SLC6A19: variants seen among roughly 807,000 people sequenced by gnomAD.
SLC6A19 encodes solute carrier family 6 member 19.
Under a neutral mutation model 68.3 loss-of-function variants are expected in SLC6A19, and 67 were observed. The ratio of observed to expected loss-of-function variants is 0.98; its 90% CI spans 0.81 to 1.20. SLC6A19 has a LOEUF of 1.20. Ranked by LOEUF, SLC6A19 falls within the 50% of genes most tolerant of loss-of-function variation. The probability of loss-of-function intolerance (pLI) is 0.00; values close to 1 mark genes in which losing one functional copy is unlikely to be tolerated. For missense variants in SLC6A19, 813 were observed against 851.6 expected (o/e 0.95, Z 0.56); for synonymous variants, 392 against 374.9 (o/e 1.05, Z -0.53).
At chr5:1,202,727 G>A (rs1013536377) in intron 1 of SLC6A19, among the ~76,000 whole-genome samples, 2 of 152,166 alleles carry the variant, frequency 1.3e-5, no homozygotes, top group African/African-American at 4.8e-5. Context: ...GTTTAGAGGA[G>A]TCTGCCCTCA....
At position 1,203,167 on chromosome 5, in the gene SLC6A19, C is replaced by T. The variant is rs186580909; in HGVS notation, c.202+1315C>T. 5.0e-3 allele frequency among the ~76,000 whole-genome samples: 758 copies of T among 152,198 alleles called. 5 individuals are homozygous for T. The highest frequency in any genetic ancestry group is 8.6e-3 in the Non-Finnish European group (583 of 68,000). On this transcript the variant is annotated intron_variant, in intron 1 of 11. Transcript: ENST00000304460. ...GGGATGGAGGGGCAGACACATGCCT[C>T]CTGGGAAGAGGAGGGGTTGGGACTG...
rs1037122540 is a variant in SLC6A19, at chr5:1,209,108, C to T, written c.343+222C>T. ...ACCAGACAGGCCAGCAGAGGCCGCC[C>T]GAGTCCCTGGCAGCCCAGGGCCCAG... On this transcript the variant is annotated intron_variant, in intron 2 of 11. Coordinates refer to ENST00000304460, the MANE Select transcript of SLC6A19 (RefSeq NM_001003841.3). This position sits in a 1 kb window ranked among gnomAD's most constrained non-coding sequence, Gnocchi z 5.5. 6.6e-6 allele frequency among the ~76,000 whole-genome samples: 1 copy of T among 152,194 alleles called. No homozygotes were observed. The highest frequency in any genetic ancestry group is 1.5e-5 in the Non-Finnish European group (1 of 68,018).
intron 1 of SLC6A19, among the ~76,000 whole-genome samples, chr5:1,205,002 A>G (rs1579507832): frequency 6.6e-6 from 1 of 152,198 alleles, no homozygotes; most frequent in Non-Finnish European, 1.5e-5. Flanking sequence ...AAGGACAGAC[A>G]GGAGGAACTG....
At chr5:1,220,246 C>T (rs1450309563) in intron 10 of SLC6A19, among the ~76,000 whole-genome samples, 2 of 151,956 alleles carry the variant, frequency 1.3e-5, no homozygotes, top group African/African-American at 4.8e-5. Flanking sequence ...GCCGTCTCTA[C>T]TAATAATACA....
chr5:1,209,639 TTC>T lies in SLC6A19; in HGVS notation c.343+759_343+760del, dbSNP rs1292652806. On this transcript the variant is annotated intron_variant, in intron 2 of 11. Coordinates refer to ENST00000304460, the MANE Select transcript of SLC6A19 (RefSeq NM_001003841.3). The surrounding 1 kb of genome is among the most constrained non-coding windows in gnomAD (Gnocchi z 5.5). Reference sequence around the variant, plus strand: ...TCTTCCTCTCTCTCTGTCTCTGTCATTCTCTCTTTCCCCTCCTATTCTCTCCC... The same window carrying T: ...TCTTCCTCTCTCTCTGTCTCTGTCATTCTCTTTCCCCTCCTATTCTCTCCC... Among the ~76,000 whole-genome samples the T allele has an allele frequency of 2.0e-5, 3 of 150,902 alleles. No individual in the cohort carries two copies. The highest frequency in any genetic ancestry group is 4.4e-5 in the Non-Finnish European group (3 of 67,678).
At chr5:1,203,574 C>T (rs773112881) in intron 1 of SLC6A19, among the ~76,000 whole-genome samples, 3 of 152,232 alleles carry the variant, frequency 2.0e-5, no homozygotes, top group South Asian at 2.1e-4. Flanking sequence ...CCTGGCCCTT[C>T]GGCTGGGCCA....
At chr5:1,213,831 C>T in intron 5 of SLC6A19, 122 bp from the exon 6 acceptor site, 2 of 1,503,122 alleles carry the variant, frequency 1.3e-6, no homozygotes, top group Non-Finnish European at 1.8e-6. Flanking sequence ...CCCCAGGGGG[C>T]CCTGGCCTGT....
rs113779329 is a variant in SLC6A19 at position 1,215,444 on chromosome 5, G to A, written c.888-1114G>A. Among the ~76,000 whole-genome samples the A allele has an allele frequency of 1.2e-3, 181 of 152,320 alleles. No individual in the cohort carries two copies. The highest frequency in any genetic ancestry group is 3.8e-3 in the African/African-American group (159 of 41,568). ...TCCTGCCCCGGGTGAGCACTGATGC[G>A]CTCTCTGCCTCTGTGGCTGTGCCTA... On this transcript the variant is annotated intron_variant, in intron 6 of 11. Transcript: ENST00000304460. This position sits in a 1 kb window ranked among gnomAD's most constrained non-coding sequence, Gnocchi z 5.1.
chr5:1,215,327 G>A lies in SLC6A19; in HGVS notation c.888-1231G>A, dbSNP rs1442254160. Reference sequence around the variant, plus strand: ...TGGTCTTAAGTACATTCACAGAGTTGTGAAGCCAGCCATCAGCACTGTCCA... The same window carrying A: ...TGGTCTTAAGTACATTCACAGAGTTATGAAGCCAGCCATCAGCACTGTCCA... On this transcript the variant is annotated intron_variant, in intron 6 of 11. Transcript: ENST00000304460. The surrounding 1 kb of genome is among the most constrained non-coding windows in gnomAD (Gnocchi z 5.1). 1.3e-5 allele frequency among the ~76,000 whole-genome samples: 2 copies of A among 152,232 alleles called. No individual in the cohort carries two copies. The highest frequency in any genetic ancestry group is 2.1e-4 in the South Asian group (1 of 4,832).
intron 3 of SLC6A19, among the ~76,000 whole-genome samples, chr5:1,211,963 G>A (rs1481876535): frequency 1.4e-5 from 2 of 141,288 alleles, no homozygotes; most frequent in African/African-American, 2.9e-5. Flanking sequence ...GTGTGCCTGT[G>A]TGCATGTGTG....
rs1307928851 is a variant in SLC6A19, at chr5:1,209,597, C to T, written c.343+711C>T. On this transcript the variant is annotated intron_variant, in intron 2 of 11. Coordinates refer to ENST00000304460, the MANE Select transcript of SLC6A19 (RefSeq NM_001003841.3). The surrounding 1 kb of genome is among the most constrained non-coding windows in gnomAD (Gnocchi z 5.5). ...CTCCCTCCTCCCTCTCTCTTCCTCT[C>T]TCTGTCTCTCCCTCTCTCTTCCTCT... is the stretch of plus-strand genomic sequence containing the variant. 6.6e-6 allele frequency among the ~76,000 whole-genome samples: 1 copy of T among 152,020 alleles called. No individual in the cohort carries two copies. The highest frequency in any genetic ancestry group is 1.5e-5 in the Non-Finnish European group (1 of 67,998).
chr5:1,203,188 G>A (rs538155095), intron 1 of SLC6A19, among the ~76,000 whole-genome samples: 2 of 152,318 alleles, frequency 1.3e-5, no homozygotes, highest in East Asian at 3.9e-4. Flanking sequence ...GAGGGGTTGG[G>A]ACTGCCTGAG....
At chr5:1,205,814 G>A (rs993265414) in intron 1 of SLC6A19, among the ~76,000 whole-genome samples, 6 of 152,192 alleles carry the variant, frequency 3.9e-5, no homozygotes, top group Admixed American at 2.6e-4. Flanking sequence ...TAATGAGCAG[G>A]CCCTGCTGGG....
rs1746058544 is a variant in SLC6A19, at chr5:1,212,222, C to T, written c.482-81C>T. 1.0e-5 allele frequency: 16 copies of T among 1,572,444 alleles called. No individual in the cohort carries two copies. The highest frequency in any genetic ancestry group is 1.4e-5 in the Non-Finnish European group (16 of 1,153,414). On this transcript the variant is annotated intron_variant, in intron 3 of 11. Coordinates refer to ENST00000304460, the MANE Select transcript of SLC6A19 (RefSeq NM_001003841.3). The surrounding 1 kb of genome is among the most constrained non-coding windows in gnomAD (Gnocchi z 5.1). ...GTCAAGGCCTCTGGAACGTGGCTGG[C>T]ATTTCTTCCAGCTCAGGGCCTTCCA...
chr5:1,219,541 T>C lies in SLC6A19; in HGVS notation c.1415T>C (p.Ile472Thr), dbSNP rs1278074753. 5 of 1,612,332 alleles carry C rather than the reference T, an allele frequency of 3.1e-6. No homozygotes were observed. Among genetic ancestry groups the C allele is most frequent in the East Asian group, 2.2e-5 (1 of 44,886 alleles). Reference protein sequence around the residue: ...ICLGTFLIGFIFTLNSGQYWL... With the variant: ...ICLGTFLIGFTFTLNSGQYWL... ...CTGGGGACATTCCTCATTGGCTTCA[T>C]CTTCACGCTGAACTCCGGCCAGTAC... Residue 472 changes from isoleucine (I) to threonine (T), a missense_variant, in exon 10 of 12, where the codon ATC becomes ACC. Ile to Thr is a moderately conservative substitution (Grantham distance 89). Transcript: ENST00000304460.
At chr5:1,201,934 C>T in intron 1 of SLC6A19, 82 bp downstream of exon 1, 1 of 1,490,718 alleles carries the variant, frequency 6.7e-7, no homozygotes, top group South Asian at 1.3e-5. Context: ...CAGACATCCT[C>T]CCCGGACCCT....
chr5:1,211,269 G>A (rs533198410), intron 3 of SLC6A19, among the ~76,000 whole-genome samples: 14 of 152,312 alleles, frequency 9.2e-5, no homozygotes, highest in African/African-American at 2.9e-4. Flanking sequence ...TGGGACTGTC[G>A]GGGCCCTTTC....
intron 1 of SLC6A19, among the ~76,000 whole-genome samples, chr5:1,202,090 A>C (rs1199429811): frequency 6.6e-6 from 1 of 152,172 alleles, no homozygotes; most frequent in East Asian, 1.9e-4. Flanking sequence ...GTGGGGCTCC[A>C]GGGAGGGCCC....
chr5:1,207,579 G>A lies in SLC6A19; in HGVS notation c.203-1167G>A, dbSNP rs115159596. On this transcript the variant is annotated intron_variant, in intron 1 of 11. Coordinates refer to ENST00000304460, the MANE Select transcript of SLC6A19 (RefSeq NM_001003841.3). ...CGATTTTTCCTGAATCTCTTCTCCC[G>A]GTCCCAGGCTGATTCTGAGCCTCTG... Among the ~76,000 whole-genome samples, 828 of 152,310 alleles carry A rather than the reference G, an allele frequency of 5.4e-3. 3 individuals carry two copies. The highest frequency in any genetic ancestry group is 9.2e-3 in the Non-Finnish European group (624 of 68,030).
Sources: gnomAD v4.1 joint callset for allele counts (sites outside exome capture counted in the v4.1 genomes callset) on GRCh38, gnomAD v4.1.1 for gene constraint, Gnocchi (gnomAD v3.1) non-coding constraint, MANE v1.5 for transcripts, NCBI Gene and HGNC (gene_info 2026-07-23, HGNC 2026-07-21) for gene names.